The following KMT2C variants were observed in gnomAD, a reference collection of about 807,000 sequenced individuals.
KMT2C encodes lysine methyltransferase 2C, also known as histone-lysine N-methyltransferase 2C.
Under a neutral mutation model 507.9 loss-of-function variants are expected in KMT2C, and 88 were observed. That is an observed-to-expected ratio of 0.17 (90% confidence interval 0.15 to 0.21). The LOEUF (loss-of-function observed/expected upper bound fraction) is 0.21, where lower values mean the gene tolerates loss of function less well. KMT2C is among the 10% of genes least tolerant of loss of function. The pLI is 1.00. For synonymous variants in KMT2C, 2,049 were observed against 2,080.8 expected (o/e 0.98, Z 0.42); for missense variants, 4,954 against 5,957.8 (o/e 0.83, Z 5.55).
At chr7:152,304,521 T>C (rs561834620) in intron 6 of KMT2C, among the ~76,000 whole-genome samples, 1 of 152,298 alleles carries the variant, frequency 6.6e-6, no homozygotes, top group South Asian at 2.1e-4. Context: ...TATAAATAGT[T>C]CAAAACATCT....
In KMT2C at chr7:152,430,368, A is replaced by T. The variant is rs543743516; in HGVS notation, c.161+5258T>A. Among the ~76,000 whole-genome samples, 508 of 149,292 alleles carry T rather than the reference A, an allele frequency of 3.4e-3. 5 individuals carry two copies. Among genetic ancestry groups the T allele is most frequent in the African/African-American group, 0.012 (485 of 40,420 alleles). ...ATAAAAATGGACCAAAACAATATAGAAAAAAAAAAGTAAAGGCAAACACAA... is the reference window on the plus strand; with the variant it reads ...ATAAAAATGGACCAAAACAATATAGTAAAAAAAAAGTAAAGGCAAACACAA... On this transcript the variant is annotated intron_variant, in intron 1 of 58. Transcript: ENST00000262189.
chr7:152,182,699 T>A, intron 35 of KMT2C, 105 bp from the exon 36 acceptor site: 1 of 1,019,516 alleles, frequency 9.8e-7, no homozygotes, highest in Non-Finnish European at 1.4e-6. Flanking sequence ...ATGTCAGCGC[T>A]ACCAGATTGC....
At chr7:152,273,051 A>T (rs959248054) in intron 7 of KMT2C, among the ~76,000 whole-genome samples, 16 of 152,196 alleles carry the variant, frequency 1.1e-4, no homozygotes, top group African/African-American at 3.9e-4. Flanking sequence ...TAGTAAGAAA[A>T]AGGAGAGATC....
intron 23 of KMT2C, among the ~76,000 whole-genome samples, chr7:152,211,948 T>C (rs1375914879): frequency 1.3e-5 from 2 of 152,060 alleles, no homozygotes; most frequent in Non-Finnish European, 2.9e-5. Flanking sequence ...CTCCAGAGGC[T>C]GAGGCAAGAG....
intron 6 of KMT2C, among the ~76,000 whole-genome samples, chr7:152,305,779 C>T (rs1464380564): frequency 6.6e-6 from 1 of 152,070 alleles, no homozygotes; most frequent in East Asian, 1.9e-4. Flanking sequence ...TCTTTTTAAG[C>T]ACTTCATTAC....
intron 15 of KMT2C, among the ~76,000 whole-genome samples, chr7:152,238,187 A>G (rs1448919159): frequency 2.6e-5 from 4 of 152,308 alleles, no homozygotes; most frequent in Non-Finnish European, 5.9e-5. Flanking sequence ...TTTTGAGTTA[A>G]TACTTTTTCA....
chr7:152,418,874 A>C (rs2097761994), intron 1 of KMT2C, among the ~76,000 whole-genome samples: 1 of 151,224 alleles, frequency 6.6e-6, no homozygotes, highest in Admixed American at 6.6e-5. Flanking sequence ...AAAAAAAAAA[A>C]CTGTGTATAT....
intron 40 of KMT2C, 135 bp downstream of exon 40, chr7:152,171,129 G>T: frequency 2.1e-6 from 1 of 484,222 alleles, no homozygotes; most frequent in Non-Finnish European, 3.6e-6. Context: ...CTGGCAAATG[G>T]CATATGGTGA....
At chr7:152,418,682 A>C (rs1002353686) in intron 1 of KMT2C, among the ~76,000 whole-genome samples, 2 of 152,046 alleles carry the variant, frequency 1.3e-5, no homozygotes, top group Non-Finnish European at 2.9e-5. Context: ...TGCCTGCCTC[A>C]GCCTCCCAAA....
rs1011740487 is a variant in KMT2C at position 152,145,394 on chromosome 7, T to C, written c.14032-99A>G. On this transcript the variant is annotated intron_variant, in intron 53 of 58. Transcript: ENST00000262189. ...GATGGCCCACGACAGAAATAACTCA[T>C]CAGCGTTTTCCCCGATAATAAAATG... 11 of 1,185,312 alleles carry C rather than the reference T, an allele frequency of 9.3e-6. No individual in the cohort carries two copies. The African/African-American group carries it at 1.7e-4, about 18-fold the overall frequency. The allele number at this position is 1,185,312 out of a possible 1,614,324, so 73.4% of individuals were successfully genotyped here.
chr7:152,309,050 ATTTT>A (rs980826590), intron 6 of KMT2C, among the ~76,000 whole-genome samples: 1 of 152,116 alleles, frequency 6.6e-6, no homozygotes, highest in Non-Finnish European at 1.5e-5. Flanking sequence ...AACTAAAAAA[ATTTT>A]TTTAATCACT....
At chr7:152,237,528 C>T (rs1294356577) in intron 15 of KMT2C, among the ~76,000 whole-genome samples, 2 of 152,110 alleles carry the variant, frequency 1.3e-5, no homozygotes, top group East Asian at 1.9e-4. Context: ...GATGGAGTCT[C>T]GCTTCTTTGC....
At chr7:152,344,986 C>CA (rs972749930) in intron 2 of KMT2C, among the ~76,000 whole-genome samples, 24 of 151,690 alleles carry the variant, frequency 1.6e-4, no homozygotes, top group Non-Finnish European at 3.2e-4. Flanking sequence ...GACTCTGTCT[C>CA]AAAAAATTAT....
At chr7:152,326,832 G>C (rs1354364275) in intron 3 of KMT2C, among the ~76,000 whole-genome samples, 2 of 152,184 alleles carry the variant, frequency 1.3e-5, no homozygotes, top group Admixed American at 6.5e-5. Context: ...AGTGAGCTGA[G>C]ATCGTGCCAC....
intron 34 of KMT2C, among the ~76,000 whole-genome samples, chr7:152,183,800 G>A (rs995068977): frequency 5.3e-5 from 8 of 152,184 alleles, no homozygotes; most frequent in African/African-American, 1.9e-4. Flanking sequence ...GGAGGCTGAG[G>A]CAGGAGAATC....
chr7:152,300,184 T>C (rs529260711), intron 6 of KMT2C, among the ~76,000 whole-genome samples: 5 of 152,330 alleles, frequency 3.3e-5, no homozygotes, highest in African/African-American at 1.2e-4. Flanking sequence ...CTTCCAATTA[T>C]AAAACTCTAT....
At chr7:152,364,621 G>GAAAA (rs2097223610) in intron 1 of KMT2C, among the ~76,000 whole-genome samples, 1 of 127,982 alleles carries the variant, frequency 7.8e-6, no homozygotes, top group Non-Finnish European at 1.5e-5. Context: ...AAAAAAAAAA[G>GAAAA]AAAAGAAAAA....
At chr7:152,294,022 CTTTTTTT>C (rs5888465) in intron 6 of KMT2C, among the ~76,000 whole-genome samples, 48 of 133,140 alleles carry the variant, frequency 3.6e-4, no homozygotes, top group Admixed American at 6.0e-4. Flanking sequence ...CCACACCTGC[CTTTTTTT>C]TTTTTTTTTT....
chr7:152,281,082 A>C (rs1213084081), intron 6 of KMT2C, among the ~76,000 whole-genome samples: 2 of 152,178 alleles, frequency 1.3e-5, no homozygotes, highest in Non-Finnish European at 2.9e-5. Context: ...ACCCTGAAGA[A>C]ATAGGTCCCT....
Sources: gnomAD v4.1 joint callset for allele counts (sites outside exome capture counted in the v4.1 genomes callset) on GRCh38, gnomAD v4.1.1 for gene constraint, MANE v1.5 for transcripts, NCBI Gene and HGNC (gene_info 2026-07-23, HGNC 2026-07-21) for gene names.